The following DCC variants were observed in gnomAD, a reference collection of about 807,000 sequenced individuals.
DCC encodes DCC netrin 1 receptor, also known as netrin receptor DCC.
In DCC, 58 loss-of-function variants were observed where a neutral mutation model predicts 172.5. The ratio of observed to expected loss-of-function variants is 0.34; its 90% CI spans 0.27 to 0.42. The LOEUF (loss-of-function observed/expected upper bound fraction) is 0.42, where lower values mean the gene tolerates loss of function less well. Ranked by LOEUF, DCC falls within the 10% of genes least tolerant of loss-of-function variation. DCC has a pLI of 1.00. For missense variants in DCC, 1,740 were observed against 1,791.0 expected (o/e 0.97, Z 0.51); for synonymous variants, 709 against 644.5 (o/e 1.10, Z -1.52).
chr18:52,851,102 C>T (rs11873440), intron 2 of DCC, among the ~76,000 whole-genome samples: 4,074 of 152,080 alleles, frequency 0.027, 162 homozygotes, highest in African/African-American at 0.09. Flanking sequence ...CAGTATCTTA[C>T]GATGTATACT....
At chr18:52,430,876 A>G (rs1987598478) in intron 1 of DCC, among the ~76,000 whole-genome samples, 1 of 152,166 alleles carries the variant, frequency 6.6e-6, no homozygotes, top group African/African-American at 2.4e-5. Context: ...TGCTTTCACT[A>G]GACACTTTAA....
chr18:52,678,936 C>T (rs1164079039), intron 1 of DCC, among the ~76,000 whole-genome samples: 5 of 151,996 alleles, frequency 3.3e-5, no homozygotes, highest in South Asian at 2.1e-4. Context: ...TCTTCATTTC[C>T]GATAGTAACC....
At chr18:52,770,457 A>G (rs1170365749) in intron 2 of DCC, among the ~76,000 whole-genome samples, 2 of 152,220 alleles carry the variant, frequency 1.3e-5, no homozygotes, top group Admixed American at 6.5e-5. Context: ...ACAATTGCCA[A>G]TTATAATTTC....
intron 5 of DCC, among the ~76,000 whole-genome samples, chr18:52,948,193 T>C (rs945222142): frequency 6.6e-6 from 1 of 152,162 alleles, no homozygotes; most frequent in African/African-American, 2.4e-5. Flanking sequence ...TATTTTATTT[T>C]TGTGTACAAT....
chr18:52,972,616 G>T (rs1045358991), intron 5 of DCC, among the ~76,000 whole-genome samples: 2 of 150,156 alleles, frequency 1.3e-5, no homozygotes, highest in African/African-American at 2.5e-5. Context: ...TTACATATAT[G>T]AATACATGTA....
intron 7 of DCC, among the ~76,000 whole-genome samples, chr18:53,111,280 A>G (rs1045608755): frequency 6.7e-6 from 1 of 148,556 alleles, no homozygotes; most frequent in Non-Finnish European, 1.5e-5. Context: ...GGATAGCATT[A>G]GGAGATATAC....
At chr18:53,226,832 T>A (rs922740498) in intron 12 of DCC, among the ~76,000 whole-genome samples, 3 of 150,810 alleles carry the variant, frequency 2.0e-5, no homozygotes, top group Admixed American at 6.6e-5. Context: ...TTATAATCAG[T>A]CATTATTAAC....
At chr18:53,227,491 G>T (rs2056051832) in intron 12 of DCC, among the ~76,000 whole-genome samples, 1 of 152,160 alleles carries the variant, frequency 6.6e-6, no homozygotes, top group Admixed American at 6.5e-5. Context: ...CCAGTCTACT[G>T]GAAAACTCTA....
intron 2 of DCC, among the ~76,000 whole-genome samples, chr18:52,772,430 T>C (rs1314499829): frequency 6.6e-6 from 1 of 152,226 alleles, no homozygotes; most frequent in Non-Finnish European, 1.5e-5. Context: ...TGATGATTTG[T>C]ATTAGAGTTT....
intron 1 of DCC, among the ~76,000 whole-genome samples, chr18:52,679,015 T>C (rs144425248): frequency 1.2e-4 from 18 of 152,184 alleles, no homozygotes; most frequent in African/African-American, 4.3e-4. Flanking sequence ...TCAAAAATTT[T>C]AATTGAAAAA....
chr18:52,345,771 A>G (rs1460221690), intron 1 of DCC, among the ~76,000 whole-genome samples: 1 of 152,092 alleles, frequency 6.6e-6, no homozygotes, highest in African/African-American at 2.4e-5. Context: ...TTAAATGTTC[A>G]TGCATGCTGC....
At chr18:52,610,186 T>C (rs1346565379) in intron 1 of DCC, among the ~76,000 whole-genome samples, 1 of 10,416 alleles carries the variant, frequency 9.6e-5, no homozygotes, top group African/African-American at 4.2e-4. Context: ...AAAATATATA[T>C]ATATATATAT....
chr18:52,957,683 T>A (rs907802104), intron 5 of DCC, among the ~76,000 whole-genome samples: 1 of 152,168 alleles, frequency 6.6e-6, no homozygotes, highest in Middle Eastern at 3.4e-3. Flanking sequence ...GGAAGGACCA[T>A]GAGAAATTAG....
rs576037808 is a variant in DCC at position 53,093,171 on chromosome 18, G to T, written c.1261+27005G>T. Among the ~76,000 whole-genome samples, 4 of 152,150 alleles carry T rather than the reference G, an allele frequency of 2.6e-5. No homozygotes were observed. The South Asian group carries it at 8.3e-4, about 32-fold the overall frequency. ...GGGGTGCATGCCTGTAATCCCAGTG[G>T]GTGGCTGAGGCAGGAGAATCACTTG... On this transcript the variant is annotated intron_variant, in intron 7 of 28. Transcript: ENST00000442544.
At chr18:52,454,335 C>T (rs940307674) in intron 1 of DCC, among the ~76,000 whole-genome samples, 4 of 151,978 alleles carry the variant, frequency 2.6e-5, no homozygotes, top group African/African-American at 9.7e-5. Flanking sequence ...TGACTTAGTG[C>T]CCACAAAAAA....
At chr18:53,178,767 C>T (rs747517227) in intron 8 of DCC, among the ~76,000 whole-genome samples, 195 bp from the exon 9 acceptor site, 1 of 152,136 alleles carries the variant, frequency 6.6e-6, no homozygotes, top group South Asian at 2.1e-4. Flanking sequence ...AGAATCCTTG[C>T]AACATTTATT....
intron 5 of DCC, among the ~76,000 whole-genome samples, chr18:53,054,335 T>C (rs2042374347): frequency 6.6e-6 from 1 of 152,024 alleles, no homozygotes; most frequent in Non-Finnish European, 1.5e-5. Context: ...TTATCTCATA[T>C]GAGAATATAT....
At chr18:52,577,394 T>C (rs1343063470) in intron 1 of DCC, among the ~76,000 whole-genome samples, 2 of 152,240 alleles carry the variant, frequency 1.3e-5, no homozygotes, top group Admixed American at 1.3e-4. Flanking sequence ...ATTATAGCTA[T>C]CTTTCCATTG....
intron 2 of DCC, among the ~76,000 whole-genome samples, chr18:52,890,390 G>A (rs1465390195): frequency 6.6e-6 from 1 of 152,022 alleles, no homozygotes; most frequent in Admixed American, 6.6e-5. Flanking sequence ...AGTGGGGATA[G>A]AACATATGGT....
Sources: allele counts gnomAD v4.1 joint callset (sites outside exome capture counted in the v4.1 genomes callset), GRCh38; gene constraint gnomAD v4.1.1; transcripts MANE v1.5; gene names NCBI Gene and HGNC (gene_info 2026-07-23, HGNC 2026-07-21).